Variants in DCAF1 observed in about 807,000 individuals in gnomAD.
The protein encoded by DCAF1 is DDB1- and CUL4-associated factor 1.
DCAF1 carries 15 observed loss-of-function variants against 128.0 expected under a neutral mutation model. The observed-to-expected ratio is 0.12, with a 90% CI of 0.08 to 0.18. The LOEUF (loss-of-function observed/expected upper bound fraction) is 0.18, where lower values mean the gene tolerates loss of function less well. Ranked by LOEUF, DCAF1 falls within the 10% of genes least tolerant of loss-of-function variation. DCAF1 has a pLI of 1.00. For synonymous variants in DCAF1, 610 were observed against 603.0 expected, an observed-to-expected ratio of 1.01 and a Z score of -0.17; for missense variants, 988 against 1,649.5, an observed-to-expected ratio of 0.60 and a Z score of 6.95.
intron 6 of DCAF1, among the ~76,000 whole-genome samples, chr3:51,445,481 A>T (rs1355017449): frequency 7.2e-5 from 11 of 152,332 alleles, no homozygotes; most frequent in African/African-American, 2.6e-4. Context: ...GGCAGGTACT[A>T]TATTTGCAGA....
chr3:51,413,818 T>G, intron 20 of DCAF1, 132 bp downstream of exon 20: 1 of 1,189,784 alleles, frequency 8.4e-7, no homozygotes. Context: ...ACTATCAATT[T>G]TTTATCTTTT....
intron 3 of DCAF1, among the ~76,000 whole-genome samples, chr3:51,473,547 C>T (rs1705052102): frequency 6.8e-6 from 1 of 147,752 alleles, no homozygotes; most frequent in African/African-American, 2.5e-5. Context: ...CAGGGTCTCA[C>T]TCTGTTGCTC....
intron 3 of DCAF1, among the ~76,000 whole-genome samples, 182 bp from the exon 4 acceptor site, chr3:51,471,187 T>C (rs574040569): frequency 5.4e-4 from 81 of 149,902 alleles, no homozygotes; most frequent in African/African-American, 1.9e-3. Context: ...CCCAAACTCA[T>C]TCTTTTTTTT....
chr3:51,412,717 G>A (rs1273151389), intron 22 of DCAF1, among the ~76,000 whole-genome samples: 3 of 152,164 alleles, frequency 2.0e-5, no homozygotes, highest in Non-Finnish European at 4.4e-5. Flanking sequence ...TCTTGCTCTG[G>A]TGAGAGATCC....
At chr3:51,457,905 T>C (rs1474707345) in intron 6 of DCAF1, among the ~76,000 whole-genome samples, 1 of 152,126 alleles carries the variant, frequency 6.6e-6, no homozygotes, top group African/African-American at 2.4e-5. Flanking sequence ...CAAGAGCTCC[T>C]GAAGGAAGCA....
chr3:51,439,920 A>G (rs1056095938), intron 9 of DCAF1, among the ~76,000 whole-genome samples: 3 of 152,056 alleles, frequency 2.0e-5, no homozygotes, highest in African/African-American at 7.2e-5. Context: ...TTGACCCAGG[A>G]AGCGGAGGTT....
At chr3:51,455,749 T>C (rs1553642646) in intron 6 of DCAF1, among the ~76,000 whole-genome samples, 1 of 150,396 alleles carries the variant, frequency 6.6e-6, no homozygotes, top group Non-Finnish European at 1.5e-5. Context: ...ATACAAAAAT[T>C]TGCCAGGCAT....
chr3:51,407,544 G>A (rs1263292612), intron 23 of DCAF1, among the ~76,000 whole-genome samples: 1 of 152,160 alleles, frequency 6.6e-6, no homozygotes, highest in African/African-American at 2.4e-5. Flanking sequence ...TTATTCCTTT[G>A]TTGAGTTTTT....
chr3:51,461,087 T>C (rs1290576353), intron 6 of DCAF1, among the ~76,000 whole-genome samples: 1,630 of 151,446 alleles, frequency 0.011, 40 homozygotes, highest in African/African-American at 0.036. Context: ...AAAGAGCTTC[T>C]GCACAGCAAA....
At chr3:51,502,995 C>A (rs1250485678), upstream of DCAF1, among the ~76,000 whole-genome samples, 1 of 152,204 alleles carries the variant, frequency 6.6e-6, no homozygotes, top group African/African-American at 2.4e-5. Flanking sequence ...ACTTTCACAT[C>A]TAAGCATATG....
At chr3:51,419,259 G>T (rs1319650294) in intron 15 of DCAF1, among the ~76,000 whole-genome samples, 1 of 152,000 alleles carries the variant, frequency 6.6e-6, no homozygotes, top group Non-Finnish European at 1.5e-5. Context: ...TACTCAGGAG[G>T]CTGAGGCAGG....
chr3:51,398,589 T>C lies in DCAF1; in HGVS notation c.*180A>G, dbSNP rs569353492. 19 of 718,744 alleles carry C rather than the reference T, an allele frequency of 2.6e-5. No homozygotes were observed. In the East Asian group the frequency reaches 3.3e-4, roughly 12 times the overall value. 44.5% of individuals were successfully genotyped at this position (718,744 alleles called of 1,614,324 possible). On this transcript the variant is annotated 3_prime_UTR_variant, in exon 25 of 25. Transcript: ENST00000684031. ...CCTGTTGTCATTTTTGTGGTGGTTA[T>C]TGATTCTGGAAGGACCCTCGGGTGC...
chr3:51,505,289 A>G, the DCAF1 span, among the ~76,000 whole-genome samples: 1 of 151,806 alleles, frequency 6.6e-6, no homozygotes, highest in Admixed American at 6.6e-5. Context: ...TAAAAATAAA[A>G]TTAATAATAA....
At chr3:51,451,196 C>T (rs868986412) in intron 6 of DCAF1, among the ~76,000 whole-genome samples, 2 of 141,060 alleles carry the variant, frequency 1.4e-5, no homozygotes, top group South Asian at 4.8e-4. Context: ...TGAAGCAATC[C>T]TCCTGCCTCA....
intron 3 of DCAF1, among the ~76,000 whole-genome samples, chr3:51,475,428 C>T (rs1705313191): frequency 1.3e-5 from 2 of 151,852 alleles, no homozygotes; most frequent in African/African-American, 2.4e-5. Context: ...ATAGTGAAAT[C>T]CCCCCCATCT....
At position 51,441,810 on chromosome 3, in the gene DCAF1, G is replaced by A; in HGVS notation, c.601C>T (p.Leu201Phe). Residue 201 changes from leucine to phenylalanine, a missense_variant, in exon 8 of 25, where the codon CTC (leucine) becomes TTC (phenylalanine). By Grantham distance (22) the Leu-to-Phe change is conservative (BLOSUM62 0). Transcript: ENST00000684031. Reference sequence around the variant, plus strand: ...AGAGGCAAAAGGGGTTCAGAAGAGAGCTTCCGTGGACTGGGACGCTTGTTT... The same window carrying A: ...AGAGGCAAAAGGGGTTCAGAAGAGAACTTCCGTGGACTGGGACGCTTGTTT... ...QENKRPSPRK[L>F]SSEPLLPLDE... 6.2e-7 allele frequency: 1 copy of A among 1,613,840 alleles called. No individual in the cohort carries two copies. The highest frequency in any genetic ancestry group is 1.1e-5 in the South Asian group (1 of 91,072).
chr3:51,413,481 A>G, intron 20 of DCAF1, 95 bp from the exon 21 acceptor site: 7 of 1,502,188 alleles, frequency 4.7e-6, no homozygotes, highest in Non-Finnish European at 6.2e-6. Flanking sequence ...AAAACAATCT[A>G]CTTGCATATA....
At chr3:51,424,562 C>T (rs1361597614) in intron 13 of DCAF1, among the ~76,000 whole-genome samples, 1 of 152,062 alleles carries the variant, frequency 6.6e-6, no homozygotes, top group Non-Finnish European at 1.5e-5. Context: ...ATCATATCCT[C>T]AAGAGAGCCT....
At chr3:51,490,653 G>A (rs1707525464) in intron 2 of DCAF1, among the ~76,000 whole-genome samples, 1 of 152,100 alleles carries the variant, frequency 6.6e-6, no homozygotes, top group Non-Finnish European at 1.5e-5. Flanking sequence ...AACCAGGCAT[G>A]GTGGCTCACG....
Sources: gnomAD v4.1 joint callset for allele counts (sites outside exome capture counted in the v4.1 genomes callset) on GRCh38, gnomAD v4.1.1 for gene constraint, MANE v1.5 for transcripts, NCBI Gene and HGNC (gene_info 2026-07-23, HGNC 2026-07-21) for gene names.